CAB39L: variants seen among roughly 807,000 people sequenced by gnomAD.
The protein encoded by CAB39L is calcium-binding protein 39-like.
A neutral mutation model predicts 39.1 loss-of-function variants in CAB39L; 23 were observed. That is an observed-to-expected ratio of 0.59 (90% confidence interval 0.42 to 0.83). CAB39L has a LOEUF of 0.83. CAB39L is among the 40% of genes least tolerant of loss of function. The pLI is 0.00. For missense variants in CAB39L, 366 were observed against 391.9 expected, an observed-to-expected ratio of 0.93 and a Z score of 0.56; for synonymous variants, 126 against 137.2, an observed-to-expected ratio of 0.92 and a Z score of 0.57.
intron 10 of CAB39L, among the ~76,000 whole-genome samples, chr13:49,317,422 C>T (rs1000357978): frequency 2.0e-5 from 3 of 151,842 alleles, no homozygotes; most frequent in African/African-American, 4.8e-5. Context: ...CCCAGCTACT[C>T]GGGAAGCTGA....
In CAB39L at chr13:49,376,883, G is replaced by A. The variant is rs1030571241; in HGVS notation, c.276+84C>T. On this transcript the variant is annotated intron_variant, in intron 5 of 10. Transcript: ENST00000409308. ...TGGAAAGCCATAATGAAAAGCAAAA[G>A]TTGAATAGTAGATAGATAGATAGAT... 3.0e-5 allele frequency: 15 copies of A among 495,900 alleles called. No individual in the cohort carries two copies. In the African/African-American group the frequency reaches 6.4e-4, roughly 21 times the overall value. The allele number at this position is 495,900 out of a possible 1,614,324, so 30.7% of individuals were successfully genotyped here.
At chr13:49,372,146 T>C (rs189356480) in intron 5 of CAB39L, among the ~76,000 whole-genome samples, 37 of 152,234 alleles carry the variant, frequency 2.4e-4, no homozygotes, top group African/African-American at 8.7e-4. Flanking sequence ...TCTTGAATAG[T>C]AGCCAAACCT....
chr13:49,408,532 T>C (rs1956927784), intron 3 of CAB39L, among the ~76,000 whole-genome samples: 1 of 152,072 alleles, frequency 6.6e-6, no homozygotes, highest in Non-Finnish European at 1.5e-5. Flanking sequence ...TCTACAGGTG[T>C]TGGTAGAAAA....
At chr13:49,363,659 T>C (rs1955691619) in intron 5 of CAB39L, among the ~76,000 whole-genome samples, 1 of 151,646 alleles carries the variant, frequency 6.6e-6, no homozygotes, top group East Asian at 1.9e-4. Context: ...TTGTCAATAA[T>C]AACATTGTAT....
rs1168494279 is a variant in CAB39L, at chr13:49,359,099, T to C, written c.395+615A>G. 3.9e-5 allele frequency among the ~76,000 whole-genome samples: 6 copies of C among 152,154 alleles called. No homozygotes were observed. In the East Asian group the frequency reaches 9.6e-4, roughly 24 times the overall value. On this transcript the variant is annotated intron_variant, in intron 6 of 10. Coordinates refer to ENST00000409308, the MANE Select transcript of CAB39L (RefSeq NM_001079670.3). Reference sequence around the variant, plus strand: ...TAGAAAGACAAGGGGAGGAAGAAGATGGTCTGCTGTCCTCAAGCTTTGCTA... The same window carrying C: ...TAGAAAGACAAGGGGAGGAAGAAGACGGTCTGCTGTCCTCAAGCTTTGCTA...
At chr13:49,435,836 T>C (rs1353101705) in intron 1 of CAB39L, among the ~76,000 whole-genome samples, 2 of 152,184 alleles carry the variant, frequency 1.3e-5, no homozygotes, top group Non-Finnish European at 2.9e-5. Context: ...TGTGCATTTC[T>C]TTTTCATATC....
In CAB39L at chr13:49,327,012, C is replaced by T. The variant is rs907461099; in HGVS notation, c.834+4935G>A. Among the ~76,000 whole-genome samples the T allele has an allele frequency of 4.6e-5, 7 of 152,240 alleles. No homozygotes were observed. The South Asian group carries it at 6.2e-4, about 14-fold the overall frequency. Reference sequence around the variant, plus strand: ...AATGTGTAGGCATTTTCCAGGCCTACAGCACTCTATTTTTGTTTCATTCTT... The same window carrying T: ...AATGTGTAGGCATTTTCCAGGCCTATAGCACTCTATTTTTGTTTCATTCTT... On this transcript the variant is annotated intron_variant, in intron 10 of 10. Transcript: ENST00000409308.
rs1469277328 is a variant in CAB39L, at chr13:49,428,061, T to A, written c.-32+5257A>T. 3.3e-5 allele frequency among the ~76,000 whole-genome samples: 5 copies of A among 152,244 alleles called. No individual in the cohort carries two copies. The East Asian group carries it at 9.6e-4, about 29-fold the overall frequency. ...AGGAATTTTGTGGGGACACAATCAG[T>A]CTACTGCATCAATCAACCTCTAGTG... On this transcript the variant is annotated intron_variant, in intron 3 of 10. Coordinates refer to ENST00000409308, the MANE Select transcript of CAB39L (RefSeq NM_001079670.3).
At chr13:49,407,855 C>T (rs1305931771) in intron 3 of CAB39L, among the ~76,000 whole-genome samples, 1 of 105,566 alleles carries the variant, frequency 9.5e-6, no homozygotes, top group Non-Finnish European at 2.0e-5. Context: ...TAGCAAGACC[C>T]CGTCTCAAAA....
intron 1 of CAB39L, among the ~76,000 whole-genome samples, chr13:49,438,337 T>C (rs1229312716): frequency 6.6e-6 from 1 of 152,214 alleles, no homozygotes; most frequent in Non-Finnish European, 1.5e-5. Flanking sequence ...AATATTTATA[T>C]ACTATTCTAT....
intron 10 of CAB39L, among the ~76,000 whole-genome samples, chr13:49,331,557 T>C (rs1469895843): frequency 6.6e-6 from 1 of 152,068 alleles, no homozygotes; most frequent in Non-Finnish European, 1.5e-5. Context: ...ATAATAATAT[T>C]AATAATGTGA....
chr13:49,416,947 A>T (rs1010545421), intron 3 of CAB39L, among the ~76,000 whole-genome samples: 1 of 152,176 alleles, frequency 6.6e-6, no homozygotes. Context: ...AAGAAAACTG[A>T]TAATCTCAAA....
intron 1 of CAB39L, among the ~76,000 whole-genome samples, chr13:49,442,818 A>AAC (rs1957561963): frequency 7.2e-6 from 1 of 139,426 alleles, no homozygotes; most frequent in Non-Finnish European, 1.6e-5. Context: ...AAAAAAAAAA[A>AAC]ACATCAATTA....
chr13:49,401,363 C>T (rs1046491758), intron 3 of CAB39L: 5 of 152,184 alleles, frequency 3.3e-5, no homozygotes, highest in African/African-American at 9.6e-5. Context: ...CACTGGAAAA[C>T]GTTACCAGAA....
At chr13:49,339,833 C>A in intron 8 of CAB39L, 91 bp from the exon 9 acceptor site, 1 of 1,303,852 alleles carries the variant, frequency 7.7e-7, no homozygotes, top group Non-Finnish European at 9.9e-7. Flanking sequence ...GAGCAAATTC[C>A]CAACTTCTGG....
intron 4 of CAB39L, among the ~76,000 whole-genome samples, chr13:49,378,751 C>T (rs1956174973): frequency 2.2e-5 from 1 of 45,052 alleles, no homozygotes; most frequent in Non-Finnish European, 4.3e-5. Context: ...CCGCCCCGTC[C>T]GGGAGGGAGG....
chr13:49,389,751 T>A (rs1446326234), intron 3 of CAB39L, among the ~76,000 whole-genome samples: 1 of 152,244 alleles, frequency 6.6e-6, no homozygotes, highest in Non-Finnish European at 1.5e-5. Context: ...TTCCAGTTTA[T>A]ACTTTCACAG....
intron 5 of CAB39L, among the ~76,000 whole-genome samples, chr13:49,369,865 C>T (rs1392276694): frequency 1.3e-5 from 2 of 152,064 alleles, no homozygotes; most frequent in Non-Finnish European, 2.9e-5. Context: ...GGATTACAGG[C>T]GTGAGCCACC....
chr13:49,398,681 T>A (rs1035190793), intron 3 of CAB39L, among the ~76,000 whole-genome samples: 15 of 152,152 alleles, frequency 9.9e-5, no homozygotes, highest in African/African-American at 3.4e-4. Context: ...TCATTACATA[T>A]GCATATTGCA....
Sources: allele counts gnomAD v4.1 joint callset (sites outside exome capture counted in the v4.1 genomes callset), GRCh38; gene constraint gnomAD v4.1.1; transcripts MANE v1.5; gene names NCBI Gene and HGNC (gene_info 2026-07-23, HGNC 2026-07-21).